The following EFCAB7 variants were observed in gnomAD, a reference collection of about 807,000 sequenced individuals.
The protein encoded by EFCAB7 is EF-hand calcium-binding domain-containing protein 7.
Under a neutral mutation model 77.1 loss-of-function variants are expected in EFCAB7, and 66 were observed. The observed-to-expected ratio is 0.86, with a 90% CI of 0.70 to 1.05. The LOEUF (loss-of-function observed/expected upper bound fraction) is 1.05, where lower values mean the gene tolerates loss of function less well. Ranked by LOEUF, EFCAB7 falls within the 50% of genes least tolerant of loss-of-function variation. EFCAB7 has a pLI of 0.00. For synonymous variants in EFCAB7, 225 were observed against 243.3 expected, an observed-to-expected ratio of 0.92 and a Z score of 0.70; for missense variants, 638 against 730.5, an observed-to-expected ratio of 0.87 and a Z score of 1.46.
downstream of EFCAB7, among the ~76,000 whole-genome samples, chr1:63,576,011 G>A (rs1007502752): frequency 6.6e-6 from 1 of 152,096 alleles, no homozygotes; most frequent in Non-Finnish European, 1.5e-5. Context: ...CTATCTTTAC[G>A]TAGTCTTATA....
chr1:63,538,871 T>A (rs1646795599), intron 6 of EFCAB7, among the ~76,000 whole-genome samples: 1 of 152,214 alleles, frequency 6.6e-6, no homozygotes. Context: ...TTATTTAGAA[T>A]TCAAATTGAT....
chr1:63,579,899 T>C, the EFCAB7 span, among the ~76,000 whole-genome samples: 2 of 152,202 alleles, frequency 1.3e-5, no homozygotes, highest in Admixed American at 6.5e-5. Flanking sequence ...ATTAGGTTAT[T>C]TGTTTTCTTA....
intron 10 of EFCAB7, 46 bp downstream of exon 10, chr1:63,557,293 T>C (rs1647043976): frequency 2.1e-5 from 32 of 1,517,340 alleles, no homozygotes; most frequent in Non-Finnish European, 2.7e-5. Context: ...AATATATATA[T>C]AGCACCTTTT....
Position 63,531,822 on chromosome 1 carries a change from C to T in EFCAB7, c.190C>T (p.Leu64Phe), listed in dbSNP as rs936618578. The T allele has an allele frequency of 3.7e-6, 6 of 1,611,214 alleles. No homozygotes were observed. Among genetic ancestry groups the T allele is most frequent in the African/African-American group, 1.3e-5 (1 of 74,822 alleles). Residue 64 changes from leucine to phenylalanine, a missense_variant and splice_region_variant, in exon 3 of 14, where the codon CTT becomes TTT. By Grantham distance (22) the Leu-to-Phe change is conservative. Transcript: ENST00000371088. ...ATAATACTTGTCTTGTTGGGCAGCT[C>T]TTCAGCATGCAGGAAGAAATCCATC... ...IISKDQLYLALQHAGRNPSQK... is the reference protein window; with the variant it reads ...IISKDQLYLAFQHAGRNPSQK...
chr1:63,525,062 C>T (rs898895192), intron 1 of EFCAB7, among the ~76,000 whole-genome samples: 1 of 152,046 alleles, frequency 6.6e-6, no homozygotes, highest in Non-Finnish European at 1.5e-5. Context: ...CACTCATATC[C>T]CGATTCTCAT....
At chr1:63,555,046 T>G (rs1647013895) in intron 8 of EFCAB7, 1 of 170,302 alleles carries the variant, frequency 5.9e-6, no homozygotes. Flanking sequence ...TTGAAGGTAT[T>G]TGCATCACAG....
intron 6 of EFCAB7, 35 bp downstream of exon 6, chr1:63,534,251 G>GA (rs1557672438): frequency 1.9e-6 from 3 of 1,583,620 alleles, no homozygotes; most frequent in East Asian, 2.3e-5. Context: ...GACTTTTTCT[G>GA]AAAAAAATTT....
chr1:63,525,548 C>T, intron 1 of EFCAB7, 24 bp from the exon 2 acceptor site: 1 of 1,445,434 alleles, frequency 6.9e-7, no homozygotes, highest in South Asian at 1.6e-5. Flanking sequence ...TTGACAAACA[C>T]ATTTTTAAAT....
At chr1:63,551,605 T>A in intron 7 of EFCAB7, 120 bp from the exon 8 acceptor site, 1 of 435,470 alleles carries the variant, frequency 2.3e-6, no homozygotes, top group Non-Finnish European at 3.8e-6. Flanking sequence ...AAAAAAAACA[T>A]GGAATATGTA....
downstream of EFCAB7, among the ~76,000 whole-genome samples, chr1:63,574,226 G>A (rs1021273844): frequency 6.6e-6 from 1 of 152,144 alleles, no homozygotes; most frequent in East Asian, 1.9e-4. Flanking sequence ...ATTGCAGCTG[G>A]AACACTGAGA....
intron 6 of EFCAB7, among the ~76,000 whole-genome samples, chr1:63,541,376 G>A (rs1383261692): frequency 2.6e-5 from 4 of 152,036 alleles, no homozygotes; most frequent in Non-Finnish European, 5.9e-5. Context: ...AAAGCACTAT[G>A]GGAACACATG....
At chr1:63,539,420 C>T (rs539030564) in intron 6 of EFCAB7, among the ~76,000 whole-genome samples, 5 of 151,970 alleles carry the variant, frequency 3.3e-5, no homozygotes, top group African/African-American at 1.2e-4. Flanking sequence ...TATGGAATCC[C>T]GATTGATAAT....
chr1:63,549,502 G>A, intron 7 of EFCAB7: 1 of 456,734 alleles, frequency 2.2e-6, no homozygotes, highest in South Asian at 1.6e-5. Context: ...GATAATTACT[G>A]TACCTTCCTC....
At chr1:63,564,656 A>G (rs1163835639) in intron 11 of EFCAB7, among the ~76,000 whole-genome samples, 3 of 152,208 alleles carry the variant, frequency 2.0e-5, no homozygotes, top group African/African-American at 7.2e-5. Context: ...TATAGATTCA[A>G]TGATATTCCC....
At position 63,561,674 on chromosome 1, in the gene EFCAB7, A is replaced by G. The variant is rs1428796835; in HGVS notation, c.1349-35A>G. On this transcript the variant is annotated intron_variant, in intron 10 of 13. Coordinates refer to ENST00000371088, the MANE Select transcript of EFCAB7 (RefSeq NM_032437.4). ...TTTTATTAAAGTTATGAATTTTTAA[A>G]TTATGTAAGAAAAAACTTTTGGTTG... The G allele has an allele frequency of 2.1e-5, 30 of 1,423,352 alleles. No homozygotes were observed. In the Admixed American group the frequency reaches 4.5e-4, roughly 21 times the overall value. The allele number at this position is 1,423,352 out of a possible 1,614,324, so 88.2% of individuals were successfully genotyped here.
intron 13 of EFCAB7, among the ~76,000 whole-genome samples, chr1:63,571,670 CAAAAAAAA>C (rs10605515): frequency 4.6e-5 from 3 of 65,314 alleles, no homozygotes; most frequent in South Asian, 6.8e-4. Flanking sequence ...GACTCTGTCT[CAAAAAAAA>C]AAAAAAAAAA....
At chr1:63,562,450 TATATATATATATATATATATATATA>T (rs1647116678) in intron 11 of EFCAB7, among the ~76,000 whole-genome samples, 1 of 3,700 alleles carries the variant, frequency 2.7e-4, no homozygotes, top group Non-Finnish European at 6.8e-4. Context: ...TTAATTTATT[TATATATATATATATATATATATATA>T]TATATATATA....
At chr1:63,562,471 ATATATATATATATATATATATAT>A (rs1438423430) in intron 11 of EFCAB7, among the ~76,000 whole-genome samples, 6 of 80,594 alleles carry the variant, frequency 7.4e-5, no homozygotes, top group Non-Finnish European at 1.4e-4. Context: ...ATATATATAT[ATATATATATATATATATATATAT>A]AAAACTTTTT....
In EFCAB7 at chr1:63,551,819, A is replaced by G. The variant is rs1646968898; in HGVS notation, c.1041A>G (p.Glu347=). The G allele has an allele frequency of 1.3e-6, 2 of 1,588,854 alleles. No individual in the cohort carries two copies. The highest frequency in any genetic ancestry group is 2.3e-5 in the East Asian group (1 of 44,194). The change falls in exon 8 of 14, where the codon GAA becomes GAG. Residue 347 remains glutamate, a synonymous_variant. Transcript: ENST00000371088. The part of the protein sequence containing the change: ...QANLQLVCFT[E]LRNREVFGWT... Reference sequence around the variant, plus strand: ...ATCTACAGCTTGTGTGTTTTACCGAACTACGAAATAGAGAAGTATACATAT... The same window carrying G: ...ATCTACAGCTTGTGTGTTTTACCGAGCTACGAAATAGAGAAGTATACATAT...
Sources: gnomAD v4.1 joint callset for allele counts (sites outside exome capture counted in the v4.1 genomes callset) on GRCh38, gnomAD v4.1.1 for gene constraint, MANE v1.5 for transcripts, NCBI Gene and HGNC (gene_info 2026-07-23, HGNC 2026-07-21) for gene names.